Variants in SNAP47 observed in about 807,000 individuals in gnomAD.
SNAP47 encodes synaptosome associated protein 47, also known as synaptosomal-associated protein 47.
A neutral mutation model predicts 31.4 loss-of-function variants in SNAP47; 20 were observed. That is an observed-to-expected ratio of 0.64 (90% CI 0.45 to 0.93). The LOEUF is 0.93. Ranked by LOEUF, SNAP47 falls within the 40% of genes least tolerant of loss-of-function variation. The probability of loss-of-function intolerance (pLI) is 0.00; values close to 1 mark genes in which losing one functional copy is unlikely to be tolerated. For synonymous variants in SNAP47, 194 were observed against 213.4 expected, an observed-to-expected ratio of 0.91 and a Z score of 0.79; for missense variants, 492 against 528.5, an observed-to-expected ratio of 0.93 and a Z score of 0.68.
chr1:227,750,086 G>T (rs1046656782), intron 2 of SNAP47, among the ~76,000 whole-genome samples: 4 of 152,232 alleles, frequency 2.6e-5, no homozygotes, highest in African/African-American at 9.6e-5. Flanking sequence ...TTGCATGCAG[G>T]TTAGTTGGAC....
At position 227,773,703 on chromosome 1, in the gene SNAP47, G is replaced by A. The variant is rs149307094; in HGVS notation, c.1113+6620G>A. Among the ~76,000 whole-genome samples the A allele has an allele frequency of 9.2e-5, 14 of 152,342 alleles. 1 individual carries two copies. Among genetic ancestry groups the A allele is most frequent in the East Asian group, 7.7e-4 (4 of 5,184 alleles). On this transcript the variant is annotated intron_variant, in intron 4 of 4. Transcript: ENST00000617596. ...ACGTTTAGATGTGCAGGTAGTTAGC[G>A]TGGTGCTCCAGCTACTTGTGCTGCT...
upstream of SNAP47, chr1:227,733,348 G>A: frequency 6.7e-7 from 1 of 1,493,982 alleles, no homozygotes. Flanking sequence ...GGGAGAGTGG[G>A]GAGGTGGTGC....
intron 4 of SNAP47, chr1:227,768,325 A>C (rs1663570033): frequency 1.0e-6 from 1 of 985,320 alleles, no homozygotes; most frequent in African/African-American, 1.7e-5. Context: ...GTGTCCACGC[A>C]GGGCATGGGC....
rs749501747 is a variant in SNAP47, at chr1:227,747,897, T to C, written c.161T>C (p.Val54Ala). 5 of 1,614,048 alleles carry C rather than the reference T, an allele frequency of 3.1e-6. No homozygotes were observed. The highest frequency in any genetic ancestry group is 2.7e-5 in the African/African-American group (2 of 74,914). Reference sequence around the variant, plus strand: ...GTCAGCTTCCCCCTCTCCAGCATAGTTGAGATCAAGAAGGAGGCTTCACAT... The same window carrying C: ...GTCAGCTTCCCCCTCTCCAGCATAGCTGAGATCAAGAAGGAGGCTTCACAT... ...ILVSFPLSSIVEIKKEASHFI... is the reference protein window; with the variant it reads ...ILVSFPLSSIAEIKKEASHFI... Residue 54 changes from valine to alanine, a missense_variant, in exon 2 of 5, where the codon GTT (valine) becomes GCT (alanine). Val to Ala is a moderately conservative substitution (Grantham distance 64). Transcript: ENST00000617596.
At chr1:227,755,374 GTTTTCTTTT>G (rs376249635) in intron 2 of SNAP47, among the ~76,000 whole-genome samples, 2,339 of 151,794 alleles carry the variant, frequency 0.015, 69 homozygotes, top group African/African-American at 0.053. Context: ...GGCTAGTTTT[GTTTTCTTTT>G]TTTTCTTTTT....
chr1:227,775,755 G>A, intron 4 of SNAP47: 1 of 1,300,156 alleles, frequency 7.7e-7, no homozygotes, highest in South Asian at 1.2e-5. Flanking sequence ...TGGAAATGGT[G>A]AGAATGCTAA....
In SNAP47 at chr1:227,762,688, G is replaced by A. The variant is rs1663141434; in HGVS notation, c.988+3203G>A. 1.3e-5 allele frequency among the ~76,000 whole-genome samples: 2 copies of A among 152,346 alleles called. No homozygotes were observed. The highest frequency in any genetic ancestry group is 3.9e-4 in the East Asian group (2 of 5,162). ...CCTTTCCAGAGACCTCTGCAGGGCT[G>A]CGTGCCAAGTGCACGTTTTATTTTA... On this transcript the variant is annotated intron_variant, in intron 3 of 4. Transcript: ENST00000617596. This position sits in a 1 kb window ranked among gnomAD's most constrained non-coding sequence, Gnocchi z 4.2.
rs903509724 is a variant in SNAP47 at position 227,763,700 on chromosome 1, A to G, written c.989-3259A>G. On this transcript the variant is annotated intron_variant, in intron 3 of 4. Transcript: ENST00000617596. The surrounding 1 kb of genome is among the most constrained non-coding windows in gnomAD (Gnocchi z 4.2). ...GTATTGGTTGAGTGGGAGATGGAGC[A>G]CACAAGCTGCTGTCTCCTCCATTCA... is the stretch of plus-strand genomic sequence containing the variant. Among the ~76,000 whole-genome samples the G allele has an allele frequency of 6.6e-6, 1 of 152,218 alleles. No individual in the cohort carries two copies. Among genetic ancestry groups the G allele is most frequent in the African/African-American group, 2.4e-5 (1 of 41,456 alleles).
At chr1:227,757,698 T>G (rs528938524) in intron 2 of SNAP47, among the ~76,000 whole-genome samples, 1 of 152,330 alleles carries the variant, frequency 6.6e-6, no homozygotes, top group African/African-American at 2.4e-5. Context: ...CAATAACTAA[T>G]GTGATGAGAC....
upstream of SNAP47, chr1:227,734,477 GAAC>G (rs1212687684): frequency 2.0e-5 from 11 of 543,290 alleles, no homozygotes; most frequent in East Asian, 3.1e-5. Context: ...ACCTCCCAAA[GAAC>G]AACACTTGCA....
upstream of SNAP47, chr1:227,734,901 C>G (rs1005240755): frequency 6.5e-5 from 101 of 1,547,656 alleles, no homozygotes; most frequent in South Asian, 5.4e-4. Context: ...CCAGGGGCCA[C>G]GCGCCTGGCC....
intron 4 of SNAP47, among the ~76,000 whole-genome samples, chr1:227,772,656 T>C (rs1304351420): frequency 2.0e-5 from 3 of 152,206 alleles, no homozygotes; most frequent in African/African-American, 7.2e-5. Context: ...ATCATAAAGC[T>C]TTACCCCCAT....
At chr1:227,735,299 C>G, upstream of SNAP47, 1 of 1,604,456 alleles carries the variant, frequency 6.2e-7, no homozygotes, top group African/African-American at 1.3e-5. Flanking sequence ...TCGAAGGACC[C>G]TCCTCCTCAC....
intron 1 of SNAP47, among the ~76,000 whole-genome samples, chr1:227,742,835 ATCC>A (rs975087606): frequency 9.9e-5 from 15 of 152,178 alleles, no homozygotes; most frequent in Admixed American, 5.2e-4. Context: ...GGTGTAGTTT[ATCC>A]TCCTCCTAAT....
intron 2 of SNAP47, among the ~76,000 whole-genome samples, chr1:227,749,945 C>T (rs1457275767): frequency 1.3e-5 from 2 of 152,156 alleles, no homozygotes; most frequent in Admixed American, 6.5e-5. Context: ...TGTGATTGTT[C>T]GGAGGAAAGT....
chr1:227,766,855 G>A (rs1663437054), intron 3 of SNAP47, 104 bp from the exon 4 acceptor site: 2 of 1,503,788 alleles, frequency 1.3e-6, no homozygotes, highest in Admixed American at 1.8e-5. Context: ...GCGTGTGGTG[G>A]CGGGAGGAAC....
At chr1:227,751,528 G>T (rs551938993) in intron 2 of SNAP47, among the ~76,000 whole-genome samples, 3 of 152,192 alleles carry the variant, frequency 2.0e-5, no homozygotes, top group Non-Finnish European at 4.4e-5. Flanking sequence ...AGGACTGCAG[G>T]TCGCAGTGTC....
upstream of SNAP47, among the ~76,000 whole-genome samples, chr1:227,728,298 G>C (rs1002194369): frequency 3.0e-4 from 46 of 152,132 alleles, no homozygotes; most frequent in African/African-American, 9.9e-4. Context: ...GGGAAGGGTT[G>C]TTACTGGGTT....
intron 2 of SNAP47, among the ~76,000 whole-genome samples, chr1:227,755,907 A>C (rs1417386446): frequency 2.0e-5 from 3 of 152,194 alleles, no homozygotes; most frequent in African/African-American, 7.2e-5. Context: ...ACTTTTAACC[A>C]ATTGCCATCT....
Sources: gnomAD v4.1 joint callset for allele counts (sites outside exome capture counted in the v4.1 genomes callset) on GRCh38, gnomAD v4.1.1 for gene constraint, Gnocchi (gnomAD v3.1) non-coding constraint, MANE v1.5 for transcripts, NCBI Gene and HGNC (gene_info 2026-07-23, HGNC 2026-07-21) for gene names.